The following MGRN1 variants were observed in gnomAD, a reference collection of about 807,000 sequenced individuals.
MGRN1 encodes mahogunin ring finger 1, also known as E3 ubiquitin-protein ligase MGRN1.
In MGRN1, 29 loss-of-function variants were observed where a neutral mutation model predicts 69.2. The observed-to-expected ratio is 0.42, with a 90% CI of 0.31 to 0.57. The LOEUF (loss-of-function observed/expected upper bound fraction) is 0.57, where lower values mean the gene tolerates loss of function less well. Among genes scored for constraint, MGRN1 ranks in the 20% least tolerant of loss-of-function variants. The pLI is 0.15. For missense variants in MGRN1, 998 were observed against 796.2 expected (o/e 1.25, Z -3.05); for synonymous variants, 470 against 344.2 (o/e 1.37, Z -4.04).
chr16:4,657,208 C>T (rs754157784), intron 4 of MGRN1, 38 bp from the exon 5 acceptor site: 2 of 1,592,128 alleles, frequency 1.3e-6, no homozygotes, highest in East Asian at 2.2e-5. Context: ...GGCCCTCTTC[C>T]TGCCGCAGCC....
intron 8 of MGRN1, 25 bp from the exon 9 acceptor site, chr16:4,671,366 C>A: frequency 6.2e-7 from 1 of 1,612,136 alleles, no homozygotes; most frequent in African/African-American, 1.3e-5. Context: ...GGCGAGGGCC[C>A]AGTGAGCCCC....
intron 6 of MGRN1, 135 bp downstream of exon 6, chr16:4,664,910 G>A: frequency 7.8e-7 from 1 of 1,276,446 alleles, no homozygotes; most frequent in Non-Finnish European, 1.1e-6. Flanking sequence ...GGCAGGGTGT[G>A]AGCAGCTTGG....
At chr16:4,665,001 G>T in intron 6 of MGRN1, 101 bp from the exon 7 acceptor site, 1 of 1,393,826 alleles carries the variant, frequency 7.2e-7, no homozygotes, top group Non-Finnish European at 1.0e-6. Context: ...CTCTGTGCAG[G>T]CTGAGCCCTC....
intron 1 of MGRN1, among the ~76,000 whole-genome samples, chr16:4,627,510 A>G (rs76555099): frequency 0.018 from 2,790 of 152,350 alleles, 92 homozygotes; most frequent in African/African-American, 0.061. Flanking sequence ...TCGTCTGGCC[A>G]GGCGCGGTGG....
In MGRN1 at chr16:4,657,337, G is replaced by C. The variant is rs766441935; in HGVS notation, c.535G>C (p.Asp179His). The change falls in exon 5 of 17, where the codon GAC (aspartate) becomes CAC (histidine). Residue 179 changes from aspartate (D) to histidine (H), a missense_variant. Physicochemically the swap from Asp to His is moderately conservative, Grantham distance 81 (BLOSUM62 -1). Coordinates refer to ENST00000262370, the MANE Select transcript of MGRN1 (RefSeq NM_015246.4). Reference sequence around the variant, plus strand: ...GTTCTCCCTGCCCTCCTTCAAGATTGACTTCTCGGAATGGAAGGATGACGA... The same window carrying C: ...GTTCTCCCTGCCCTCCTTCAAGATTCACTTCTCGGAATGGAAGGATGACGA... ...QQFSLPSFKIDFSEWKDDELN... is the reference protein window; with the variant it reads ...QQFSLPSFKIHFSEWKDDELN... 1.9e-6 allele frequency: 3 copies of C among 1,614,110 alleles called. No homozygotes were observed. Among genetic ancestry groups the C allele is most frequent in the Non-Finnish European group, 2.5e-6 (3 of 1,179,948 alleles).
chr16:4,685,957 C>T (rs1367179139), intron 16 of MGRN1, among the ~76,000 whole-genome samples: 1 of 152,184 alleles, frequency 6.6e-6, no homozygotes, highest in Non-Finnish European at 1.5e-5. Flanking sequence ...CCACCCAGGG[C>T]CTTCACTCCT....
intron 1 of MGRN1, among the ~76,000 whole-genome samples, chr16:4,644,305 G>GTTTTT (rs79613493): frequency 9.3e-6 from 1 of 107,586 alleles, no homozygotes. Flanking sequence ...TCAATTACCA[G>GTTTTT]TTTTTTTTTT....
At chr16:4,679,775 G>T (rs1404583320) in intron 11 of MGRN1, among the ~76,000 whole-genome samples, 1 of 152,194 alleles carries the variant, frequency 6.6e-6, no homozygotes, top group Non-Finnish European at 1.5e-5. Context: ...CGGGGGGACA[G>T]GCAATGGGGA....
At chr16:4,675,756 G>C (rs1438592525) in intron 10 of MGRN1, among the ~76,000 whole-genome samples, 1 of 151,912 alleles carries the variant, frequency 6.6e-6, no homozygotes, top group Non-Finnish European at 1.5e-5. Context: ...AAAAATTATA[G>C]CGAAGTGAAA....
intron 7 of MGRN1, among the ~76,000 whole-genome samples, chr16:4,667,200 C>T (rs913171404): frequency 1.3e-5 from 2 of 152,222 alleles, no homozygotes; most frequent in East Asian, 1.9e-4. Context: ...CATGTGCAGC[C>T]GCAGCCCCTG....
intron 10 of MGRN1, chr16:4,677,250 G>T (rs541675649): frequency 2.2e-6 from 1 of 447,910 alleles, no homozygotes; most frequent in East Asian, 3.5e-5. Flanking sequence ...CTGTACAGGG[G>T]AGCTGCTTCT....
chr16:4,642,545 T>C (rs2078184230), intron 1 of MGRN1, among the ~76,000 whole-genome samples: 1 of 151,560 alleles, frequency 6.6e-6, no homozygotes, highest in East Asian at 1.9e-4. Flanking sequence ...AGACTGGTCT[T>C]AAACTCCTGA....
At chr16:4,668,708 TCA>T (rs369911836) in intron 8 of MGRN1, among the ~76,000 whole-genome samples, 30 of 148,070 alleles carry the variant, frequency 2.0e-4, no homozygotes, top group African/African-American at 6.5e-4. Flanking sequence ...ACACATACAC[TCA>T]CACTCACTCA....
chr16:4,686,891 C>T (rs1427586231), intron 16 of MGRN1: 12 of 985,592 alleles, frequency 1.2e-5, no homozygotes, highest in Non-Finnish European at 1.4e-5. Flanking sequence ...CCCTGGATCA[C>T]GTCTTCCCAA....
Position 4,680,048 on chromosome 16 carries a change from C to G in MGRN1, c.1082C>G (p.Ser361Ter). ...TCTTGACAGTGTCCCTTTAAAAAAT[C>G]AAAGCCGCACCCCGCCTCCCTGGCC... ...HDEHSCPFKK[S>*]KPHPASLASK... The change falls in exon 12 of 17, where the codon TCA (serine) becomes TGA (stop). Residue 361 changes from serine (S) to a stop codon, truncating the protein, a stop_gained. Transcript: ENST00000262370. LOFTEE classifies it high-confidence loss of function. 1 of 1,614,032 alleles carries G rather than the reference C, an allele frequency of 6.2e-7. No homozygotes were observed.
chr16:4,688,709 C>T (rs1418075238), intron 16 of MGRN1, 87 bp from the exon 17 acceptor site: 16 of 1,472,608 alleles, frequency 1.1e-5, no homozygotes, highest in Middle Eastern at 1.9e-4. Context: ...GATGGCCCAG[C>T]CCCTCTGGGG....
intron 16 of MGRN1, chr16:4,686,485 A>C: frequency 7.2e-7 from 1 of 1,382,396 alleles, no homozygotes; most frequent in South Asian, 1.8e-5. Context: ...CTTCCCCCAG[A>C]AAGTGGCCTC....
intron 1 of MGRN1, among the ~76,000 whole-genome samples, chr16:4,639,180 G>A (rs1484608714): frequency 2.0e-5 from 3 of 152,116 alleles, no homozygotes; most frequent in East Asian, 1.9e-4. Flanking sequence ...ATGCGGGGCC[G>A]TGGACAGTTG....
chr16:4,685,896 C>T (rs952622133), intron 16 of MGRN1, among the ~76,000 whole-genome samples: 2 of 152,256 alleles, frequency 1.3e-5, no homozygotes, highest in East Asian at 3.9e-4. Context: ...CACTGGGGGC[C>T]CTGGTGTCTT....
Sources: gnomAD v4.1 joint callset for allele counts (sites outside exome capture counted in the v4.1 genomes callset) on GRCh38, gnomAD v4.1.1 for gene constraint, MANE v1.5 for transcripts, NCBI Gene and HGNC (gene_info 2026-07-23, HGNC 2026-07-21) for gene names.